Variants in PLPP4 observed in about 807,000 individuals in gnomAD.
PLPP4 encodes the protein phospholipid phosphatase 4.
Under a neutral mutation model 32.2 loss-of-function variants are expected in PLPP4, and 20 were observed. That is an observed-to-expected ratio of 0.62 (90% CI 0.44 to 0.90). The LOEUF is 0.90. Ranked by LOEUF, PLPP4 falls within the 40% of genes least tolerant of loss-of-function variation. PLPP4 has a pLI of 0.00. For missense variants in PLPP4, 257 were observed against 353.1 expected (o/e 0.73, Z 2.18); for synonymous variants, 127 against 133.0 (o/e 0.95, Z 0.31).
chr10:120,535,542 A>C (rs1228290950), intron 5 of PLPP4, among the ~76,000 whole-genome samples: 1 of 151,964 alleles, frequency 6.6e-6, no homozygotes, highest in Non-Finnish European at 1.5e-5. Flanking sequence ...CTGAGAGTAG[A>C]GTTTGATAGT....
At chr10:120,572,819 C>A (rs560310346) in intron 5 of PLPP4, among the ~76,000 whole-genome samples, 1 of 152,292 alleles carries the variant, frequency 6.6e-6, no homozygotes, top group African/African-American at 2.4e-5. Flanking sequence ...TTTAAGAAGT[C>A]GTTGTGCTTG....
intron 5 of PLPP4, among the ~76,000 whole-genome samples, chr10:120,531,350 C>T (rs570101694): frequency 9.2e-5 from 14 of 152,076 alleles, no homozygotes; most frequent in Admixed American, 6.5e-4. Flanking sequence ...ATGATCCGAC[C>T]GCCTCAGCCT....
intron 5 of PLPP4, among the ~76,000 whole-genome samples, chr10:120,545,011 T>C (rs1847545579): frequency 6.6e-6 from 1 of 152,236 alleles, no homozygotes; most frequent in Non-Finnish European, 1.5e-5. Context: ...GACATGTGCT[T>C]GGTTGATGGC....
At chr10:120,457,992 A>C (rs1847870546) in intron 1 of PLPP4, among the ~76,000 whole-genome samples, 1 of 152,184 alleles carries the variant, frequency 6.6e-6, no homozygotes, top group Non-Finnish European at 1.5e-5. Context: ...GAGGCCCTCC[A>C]GGGGTAGCCG....
intron 5 of PLPP4, among the ~76,000 whole-genome samples, chr10:120,544,455 G>A (rs568200943): frequency 4.0e-4 from 61 of 152,206 alleles, no homozygotes; most frequent in African/African-American, 1.4e-3. Flanking sequence ...GCTCCTCACT[G>A]CCCTTCCTGC....
intron 1 of PLPP4, among the ~76,000 whole-genome samples, chr10:120,492,002 T>C (rs1157561266): frequency 6.6e-6 from 1 of 152,236 alleles, no homozygotes; most frequent in Non-Finnish European, 1.5e-5. Flanking sequence ...TTGTTTTTCA[T>C]TTAGAATTCT....
chr10:120,509,664 T>C (rs1362866787), intron 2 of PLPP4, among the ~76,000 whole-genome samples: 1 of 152,168 alleles, frequency 6.6e-6, no homozygotes, highest in Non-Finnish European at 1.5e-5. Flanking sequence ...TGTGCATTTG[T>C]GTGTTCACTC....
intron 1 of PLPP4, among the ~76,000 whole-genome samples, chr10:120,497,668 A>G (rs1007207111): frequency 1.3e-5 from 2 of 152,084 alleles, no homozygotes; most frequent in African/African-American, 2.4e-5. Context: ...TCTTCAAACT[A>G]TATCATGAGA....
At chr10:120,525,960 A>C (rs1405557494) in intron 5 of PLPP4, among the ~76,000 whole-genome samples, 1 of 152,026 alleles carries the variant, frequency 6.6e-6, no homozygotes, top group Non-Finnish European at 1.5e-5. Flanking sequence ...CTGGAACTTC[A>C]TGTGCCTCAC....
intron 1 of PLPP4, among the ~76,000 whole-genome samples, chr10:120,494,883 G>A (rs891214950): frequency 1.3e-5 from 2 of 152,152 alleles, no homozygotes; most frequent in African/African-American, 4.8e-5. Context: ...ACTGGAGATC[G>A]ACATGTTGCA....
chr10:120,539,004 T>C (rs1348212018), intron 5 of PLPP4, among the ~76,000 whole-genome samples: 2 of 152,214 alleles, frequency 1.3e-5, no homozygotes, highest in Non-Finnish European at 2.9e-5. Context: ...GAGATATTGC[T>C]TCTCTTTCCT....
At chr10:120,514,304 C>T (rs572626545) in intron 3 of PLPP4, among the ~76,000 whole-genome samples, 1 of 152,162 alleles carries the variant, frequency 6.6e-6, no homozygotes, top group Non-Finnish European at 1.5e-5. Flanking sequence ...GGCAGTAAGG[C>T]AAAGTAAATC....
chr10:120,535,962 G>A (rs1327253035), intron 5 of PLPP4, among the ~76,000 whole-genome samples: 1 of 152,034 alleles, frequency 6.6e-6, no homozygotes, highest in East Asian at 1.9e-4. Context: ...TTCAAAAATA[G>A]AAATTCAAAA....
intron 1 of PLPP4, among the ~76,000 whole-genome samples, chr10:120,480,458 C>A (rs1844144983): frequency 6.6e-6 from 1 of 152,122 alleles, no homozygotes; most frequent in African/African-American, 2.4e-5. Context: ...TTGCGAATGA[C>A]AGAAGACCGA....
At chr10:120,563,121 C>T (rs1338971670) in intron 5 of PLPP4, among the ~76,000 whole-genome samples, 1 of 152,116 alleles carries the variant, frequency 6.6e-6, no homozygotes, top group Non-Finnish European at 1.5e-5. Flanking sequence ...TACCTATAAT[C>T]CCAGCTAGTT....
intron 1 of PLPP4, among the ~76,000 whole-genome samples, chr10:120,472,514 T>C (rs557442580): frequency 9.9e-5 from 15 of 152,282 alleles, no homozygotes; most frequent in Non-Finnish European, 7.4e-5. Flanking sequence ...TTTAAAACTT[T>C]CTGTTTATGT....
intron 5 of PLPP4, among the ~76,000 whole-genome samples, chr10:120,546,133 C>T (rs559803124): frequency 2.2e-4 from 33 of 152,126 alleles, no homozygotes; most frequent in Non-Finnish European, 3.5e-4. Flanking sequence ...GGGACTTGGA[C>T]GGCTTTCTTG....
chr10:120,503,480 A>G, intron 1 of PLPP4: 1 of 1,500,974 alleles, frequency 6.7e-7, no homozygotes, highest in Non-Finnish European at 9.1e-7. Flanking sequence ...TCAAGAGACC[A>G]TGCTGCTGCC....
intron 6 of PLPP4, among the ~76,000 whole-genome samples, chr10:120,586,577 G>T (rs1849772633): frequency 6.6e-6 from 1 of 152,122 alleles, no homozygotes; most frequent in African/African-American, 2.4e-5. Flanking sequence ...TACTGATGAG[G>T]TCATCAGGAG....
Sources: gnomAD v4.1 joint callset for allele counts (sites outside exome capture counted in the v4.1 genomes callset) on GRCh38, gnomAD v4.1.1 for gene constraint, MANE v1.5 for transcripts, NCBI Gene and HGNC (gene_info 2026-07-23, HGNC 2026-07-21) for gene names.